The following CHSY3 variants were observed in gnomAD, a reference collection of about 807,000 sequenced individuals.
The protein encoded by CHSY3 is N-acetylgalactosaminyl-proteoglycan 3-beta-glucuronosyltransferase 3.
In CHSY3, 35 loss-of-function variants were observed where a neutral mutation model predicts 67.2. The ratio of observed to expected loss-of-function variants is 0.52; its 90% confidence interval spans 0.40 to 0.69. The LOEUF is 0.69. Ranked by LOEUF, CHSY3 falls within the 30% of genes least tolerant of loss-of-function variation. The pLI, the probability that CHSY3 is intolerant of heterozygous loss-of-function variation, is 0.00. For missense variants in CHSY3, 1,069 were observed against 1,138.5 expected, an observed-to-expected ratio of 0.94 and a Z score of 0.88; for synonymous variants, 474 against 434.7, an observed-to-expected ratio of 1.09 and a Z score of -1.12.
chr5:129,955,481 C>T (rs1178187793), intron 2 of CHSY3, among the ~76,000 whole-genome samples: 7 of 149,784 alleles, frequency 4.7e-5, no homozygotes, highest in Non-Finnish European at 1.0e-4. Flanking sequence ...CCCTTCCTTC[C>T]TCCTTTCTTT....
At chr5:129,952,906 G>T (rs1762063887) in intron 2 of CHSY3, among the ~76,000 whole-genome samples, 1 of 152,120 alleles carries the variant, frequency 6.6e-6, no homozygotes, top group Admixed American at 6.5e-5. Flanking sequence ...TTTTAAAATT[G>T]TATGGCAAAC....
At chr5:130,055,606 G>A (rs1047739154) in intron 2 of CHSY3, among the ~76,000 whole-genome samples, 1 of 151,980 alleles carries the variant, frequency 6.6e-6, no homozygotes, top group Non-Finnish European at 1.5e-5. Context: ...TGGCTTTGAG[G>A]ACATAAAATA....
At chr5:130,061,668 A>C (rs1255777978) in intron 2 of CHSY3, among the ~76,000 whole-genome samples, 1 of 152,070 alleles carries the variant, frequency 6.6e-6, no homozygotes, top group South Asian at 2.1e-4. Flanking sequence ...GACAAAAGAC[A>C]AATGTCCAGA....
chr5:130,133,397 A>G (rs1768545167), intron 2 of CHSY3, among the ~76,000 whole-genome samples: 1 of 152,124 alleles, frequency 6.6e-6, no homozygotes, highest in East Asian at 1.9e-4. Context: ...AGCTTTCATA[A>G]TCTTGAAATT....
At chr5:130,117,300 T>G (rs1033750071) in intron 2 of CHSY3, among the ~76,000 whole-genome samples, 2 of 152,214 alleles carry the variant, frequency 1.3e-5, no homozygotes, top group Admixed American at 1.3e-4. Context: ...TAAGGAACCA[T>G]GGGATCATGG....
intron 2 of CHSY3, among the ~76,000 whole-genome samples, chr5:129,912,422 C>T (rs980668501): frequency 5.3e-5 from 8 of 152,020 alleles, no homozygotes; most frequent in African/African-American, 1.9e-4. Context: ...GCAGTGGGAA[C>T]CTCCTCCTGG....
At chr5:129,934,389 T>G (rs1191982623) in intron 2 of CHSY3, among the ~76,000 whole-genome samples, 1 of 152,160 alleles carries the variant, frequency 6.6e-6, no homozygotes, top group Non-Finnish European at 1.5e-5. Context: ...AAGTGCTTTT[T>G]TTTTAATGTG....
At chr5:130,120,059 A>T (rs751134070) in intron 2 of CHSY3, among the ~76,000 whole-genome samples, 6 of 152,198 alleles carry the variant, frequency 3.9e-5, no homozygotes, top group Non-Finnish European at 7.4e-5. Context: ...AAAAGCATAA[A>T]TTAAACTATC....
chr5:130,084,036 A>G (rs1409569615), intron 2 of CHSY3, among the ~76,000 whole-genome samples: 2 of 151,890 alleles, frequency 1.3e-5, no homozygotes, highest in Admixed American at 1.3e-4. Context: ...TCAGATAACT[A>G]ATCGTGTTAA....
At chr5:130,056,679 G>A (rs1452650897) in intron 2 of CHSY3, among the ~76,000 whole-genome samples, 1 of 152,140 alleles carries the variant, frequency 6.6e-6, no homozygotes, top group East Asian at 1.9e-4. Context: ...GCACAGAGTA[G>A]TGTAGCTTAG....
intron 2 of CHSY3, among the ~76,000 whole-genome samples, chr5:130,143,055 C>T (rs1208805361): frequency 6.6e-6 from 1 of 152,186 alleles, no homozygotes; most frequent in Non-Finnish European, 1.5e-5. Context: ...GCTATCTTTT[C>T]ACCATAGCGC....
Position 129,904,468 on chromosome 5 carries a change from G to C in CHSY3, c.-362G>C, listed in dbSNP as rs1433306005. 1 of 192,994 alleles carries C rather than the reference G, an allele frequency of 5.2e-6. No homozygotes were observed. The highest frequency in any genetic ancestry group is 2.3e-5 in the African/African-American group (1 of 42,890). 12.0% of individuals were successfully genotyped at this position (192,994 alleles called of 1,614,324 possible). A position where few individuals can be genotyped will look rare whatever the true frequency, so the allele number is the denominator to read the frequency against. ...GGAGGGAGGGCCCAGGCGCGCCACT[G>C]ACAGGGTGGCAGCCTAGGAGCGGAC... is the stretch of plus-strand genomic sequence containing the variant. On this transcript the variant is annotated 5_prime_UTR_variant, in exon 1 of 3. Coordinates refer to ENST00000305031, the MANE Select transcript of CHSY3 (RefSeq NM_175856.5).
chr5:130,022,265 T>G (rs900636028), intron 2 of CHSY3, among the ~76,000 whole-genome samples: 34 of 152,204 alleles, frequency 2.2e-4, no homozygotes, highest in African/African-American at 7.7e-4. Context: ...CATGTGTTTG[T>G]GAGTCACACT....
At chr5:129,995,512 C>CT (rs1209579662) in intron 2 of CHSY3, among the ~76,000 whole-genome samples, 1,992 of 140,886 alleles carry the variant, frequency 0.014, 37 homozygotes, top group African/African-American at 0.045. Context: ...CTTTTCTTTT[C>CT]TTTTTTTTTT....
chr5:130,053,265 C>T (rs1284914511), intron 2 of CHSY3, among the ~76,000 whole-genome samples: 2 of 151,916 alleles, frequency 1.3e-5, no homozygotes, highest in Non-Finnish European at 2.9e-5. Flanking sequence ...AAGTAACAAA[C>T]AGAAAATATA....
At chr5:129,906,108 T>C (rs1223623402) in intron 1 of CHSY3, among the ~76,000 whole-genome samples, 1 of 152,212 alleles carries the variant, frequency 6.6e-6, no homozygotes, top group Non-Finnish European at 1.5e-5. Context: ...TCTTGCTCTT[T>C]TGTTTAAACT....
chr5:130,144,959 G>A (rs1222717983), intron 2 of CHSY3, among the ~76,000 whole-genome samples: 1 of 152,144 alleles, frequency 6.6e-6, no homozygotes, highest in African/African-American at 2.4e-5. Context: ...CATGGTGGAA[G>A]GAAAAGGGGG....
intron 2 of CHSY3, among the ~76,000 whole-genome samples, chr5:130,134,839 T>TCCCCC (rs1458997297): frequency 2.8e-5 from 4 of 141,550 alleles, no homozygotes; most frequent in African/African-American, 8.5e-5. Flanking sequence ...ACGTTTTACT[T>TCCCCC]CCCACCCCCC....
rs759792761 is a variant in CHSY3, at chr5:130,185,073, T to A, written c.1931T>A (p.Met644Lys). ...FLRFMENFEN[M>K]CLIPKQNVKL... is the part of the protein sequence containing the mutation. ...AGATTCATGGAGAACTTTGAAAACA[T>A]GTGTCTTATCCCAAAGCAGAATGTA... is the stretch of plus-strand genomic sequence containing the variant. Residue 644 changes from methionine (M) to lysine (K), a missense_variant, in exon 3 of 3, where the codon ATG becomes AAG. Physicochemically the swap from Met to Lys is moderately conservative, Grantham distance 95. This residue lies in a region of CHSY3 where 401 missense variants were observed against 395.2 expected (regional missense o/e 1.01). Transcript: ENST00000305031. The A allele has an allele frequency of 6.2e-7, 1 of 1,605,098 alleles. No homozygotes were observed. The highest frequency in any genetic ancestry group is 8.5e-7 in the Non-Finnish European group (1 of 1,171,928).
Sources: allele counts gnomAD v4.1 joint callset (sites outside exome capture counted in the v4.1 genomes callset), GRCh38; gene constraint gnomAD v4.1.1; regional missense constraint gnomAD v4.1.1; transcripts MANE v1.5; gene names NCBI Gene and HGNC (gene_info 2026-07-23, HGNC 2026-07-21).